The following INSL6 variants were observed in gnomAD, a reference collection of about 807,000 sequenced individuals.
The protein encoded by INSL6 is insulin like 6, also known as insulin-like peptide INSL6.
A neutral mutation model predicts 9.4 loss-of-function variants in INSL6; 16 were observed. The ratio of observed to expected loss-of-function variants is 1.70; its 90% CI spans 1.15 to 2.59. The LOEUF is 2.59. INSL6 is among the 30% of genes most tolerant of loss of function. INSL6 has a pLI of 0.00. For missense variants in INSL6, 391 were observed against 257.3 expected (o/e 1.52, Z -3.56); for synonymous variants, 154 against 96.9 (o/e 1.59, Z -3.46).
At chr9:5,167,610 T>A (rs1268043471) in intron 1 of INSL6, among the ~76,000 whole-genome samples, 1 of 152,202 alleles carries the variant, frequency 6.6e-6, no homozygotes, top group East Asian at 1.9e-4. Flanking sequence ...GATAGAACTC[T>A]GATATCCCTG....
chr9:5,038,701 T>C, the INSL6 span, among the ~76,000 whole-genome samples: 1 of 152,098 alleles, frequency 6.6e-6, no homozygotes, highest in Non-Finnish European at 1.5e-5. Flanking sequence ...GAATATTTCT[T>C]TTGCACATCA....
the INSL6 span, among the ~76,000 whole-genome samples, chr9:5,064,015 GCGT>G: frequency 1.3e-5 from 2 of 152,076 alleles, no homozygotes; most frequent in South Asian, 2.1e-4. Flanking sequence ...AATTAGCCGG[GCGT>G]CTTGGCGTGT....
the INSL6 span, among the ~76,000 whole-genome samples, chr9:5,057,923 T>G: frequency 2.0e-5 from 3 of 152,150 alleles, no homozygotes; most frequent in Non-Finnish European, 4.4e-5. Context: ...TCTAGATACC[T>G]CATAAAAGCA....
At chr9:5,147,390 G>C (rs1413022640) in intron 2 of INSL6, among the ~76,000 whole-genome samples, 4 of 152,148 alleles carry the variant, frequency 2.6e-5, no homozygotes, top group Non-Finnish European at 4.4e-5. Flanking sequence ...GTTATTCCAA[G>C]GGTAGCAAGG....
chr9:5,047,966 T>C, the INSL6 span, among the ~76,000 whole-genome samples: 5 of 152,194 alleles, frequency 3.3e-5, no homozygotes, highest in African/African-American at 1.2e-4. Context: ...ATTTAAGGAA[T>C]AGTATTTATT....
chr9:5,051,031 G>A, the INSL6 span, among the ~76,000 whole-genome samples: 1 of 152,114 alleles, frequency 6.6e-6, no homozygotes, highest in Non-Finnish European at 1.5e-5. Flanking sequence ...CTTACCAGTT[G>A]AGCACCCCTA....
chr9:5,054,409 T>G, the INSL6 span, among the ~76,000 whole-genome samples: 1 of 152,050 alleles, frequency 6.6e-6, no homozygotes, highest in Non-Finnish European at 1.5e-5. This position sits in a 1 kb window ranked among gnomAD's most constrained non-coding sequence, Gnocchi z 4.9. Context: ...TTATACTGTA[T>G]GGATGGGGGT....
At chr9:5,029,836 A>T in the INSL6 span, 1 of 1,611,166 alleles carries the variant, frequency 6.2e-7, no homozygotes, top group South Asian at 1.1e-5. Flanking sequence ...AACAGAAAGG[A>T]TCTGGTATCC....
chr9:5,087,518 T>C, the INSL6 span, among the ~76,000 whole-genome samples: 2 of 151,826 alleles, frequency 1.3e-5, no homozygotes. Flanking sequence ...CAAACCCTTC[T>C]GGTTTTCTAT....
intron 3 of INSL6, among the ~76,000 whole-genome samples, chr9:5,125,688 T>C (rs1219291733): frequency 6.6e-6 from 1 of 151,664 alleles, no homozygotes; most frequent in Non-Finnish European, 1.5e-5. Flanking sequence ...TTTTGCCAAG[T>C]TGATAGGGGA....
intron 2 of INSL6, among the ~76,000 whole-genome samples, chr9:5,148,720 C>T (rs1824650914): frequency 6.6e-6 from 1 of 152,160 alleles, no homozygotes; most frequent in African/African-American, 2.4e-5. Context: ...CAGACTGCAG[C>T]CCTGGGGCAC....
the INSL6 span, among the ~76,000 whole-genome samples, chr9:5,080,964 C>T: frequency 1.4e-5 from 2 of 139,846 alleles, no homozygotes; most frequent in African/African-American, 2.7e-5. Context: ...GGCGCGATCT[C>T]GGCTCACTGC....
chr9:5,127,641 G>A (rs1824083150), intron 3 of INSL6: 1 of 231,910 alleles, frequency 4.3e-6, no homozygotes, highest in Admixed American at 5.6e-5. Flanking sequence ...AAGAATGCCA[G>A]GAATATTGTC....
intron 2 of INSL6, among the ~76,000 whole-genome samples, chr9:5,157,916 G>A (rs1296679993): frequency 6.6e-6 from 1 of 152,098 alleles, no homozygotes; most frequent in Non-Finnish European, 1.5e-5. Flanking sequence ...GAATTCAAAA[G>A]AGCTGTTTTA....
At chr9:5,060,282 C>T in the INSL6 span, among the ~76,000 whole-genome samples, 4 of 152,248 alleles carry the variant, frequency 2.6e-5, no homozygotes, top group East Asian at 7.7e-4. Context: ...TTGGCCAAAG[C>T]AATTTCTTAA....
chr9:5,069,344 T>C, the INSL6 span: 3 of 569,476 alleles, frequency 5.3e-6, no homozygotes, highest in South Asian at 8.6e-5. Flanking sequence ...TATTCTATTG[T>C]ACAAGCATCA....
the INSL6 span, among the ~76,000 whole-genome samples, chr9:5,038,602 T>C: frequency 6.6e-6 from 1 of 151,856 alleles, no homozygotes; most frequent in Non-Finnish European, 1.5e-5. Flanking sequence ...TTAGATTTTT[T>C]TTTTTTTTTT....
At chr9:5,039,374 C>T in the INSL6 span, among the ~76,000 whole-genome samples, 2 of 152,070 alleles carry the variant, frequency 1.3e-5, no homozygotes, top group East Asian at 3.9e-4. Context: ...ATTTACATAA[C>T]ATTTACATTG....
the INSL6 span, among the ~76,000 whole-genome samples, chr9:5,084,725 A>G: frequency 6.6e-6 from 1 of 152,190 alleles, no homozygotes; most frequent in Admixed American, 6.5e-5. Context: ...ATAGCCTTAC[A>G]TGTGGATATT....
Sources: allele counts gnomAD v4.1 joint callset (sites outside exome capture counted in the v4.1 genomes callset), GRCh38; gene constraint gnomAD v4.1.1; non-coding constraint Gnocchi (gnomAD v3.1); transcripts MANE v1.5; gene names NCBI Gene and HGNC (gene_info 2026-07-23, HGNC 2026-07-21).